NRXN1: variants seen among roughly 807,000 people sequenced by gnomAD.
NRXN1 encodes neurexin 1.
A neutral mutation model predicts 150.9 loss-of-function variants in NRXN1; 39 were observed. That is an observed-to-expected ratio of 0.26 (90% CI 0.20 to 0.34). The LOEUF (loss-of-function observed/expected upper bound fraction) is 0.34, where lower values mean the gene tolerates loss of function less well. Among genes scored for constraint, NRXN1 ranks in the 10% least tolerant of loss-of-function variants. NRXN1 has a pLI of 1.00. For synonymous variants in NRXN1, 924 were observed against 757.0 expected (o/e 1.22, Z -3.62); for missense variants, 1,815 against 1,949.9 (o/e 0.93, Z 1.30).
chr2:50,457,443 T>C (rs1342254711), intron 17 of NRXN1, among the ~76,000 whole-genome samples: 1 of 152,064 alleles, frequency 6.6e-6, no homozygotes, highest in Admixed American at 6.6e-5. Context: ...CAAGTTCTGT[T>C]TGTGCCAACT....
intron 17 of NRXN1, among the ~76,000 whole-genome samples, chr2:50,399,216 A>G (rs747954580): frequency 4.6e-5 from 7 of 152,148 alleles, no homozygotes; most frequent in Non-Finnish European, 8.8e-5. Flanking sequence ...AATATTGCAT[A>G]AAACCTGGTT....
At chr2:50,873,389 TC>T (rs1211704024) in intron 5 of NRXN1, among the ~76,000 whole-genome samples, 1 of 151,874 alleles carries the variant, frequency 6.6e-6, no homozygotes, top group Non-Finnish European at 1.5e-5. Flanking sequence ...TATAGTTACT[TC>T]TAAAGAATTT....
chr2:50,075,417 T>A (rs1472740639), intron 19 of NRXN1, among the ~76,000 whole-genome samples: 1 of 152,168 alleles, frequency 6.6e-6, no homozygotes, highest in Non-Finnish European at 1.5e-5. Flanking sequence ...AAGCCTTAGA[T>A]CATTAAAATA....
intron 8 of NRXN1, among the ~76,000 whole-genome samples, chr2:50,617,884 G>C (rs2104206279): frequency 6.6e-6 from 1 of 152,252 alleles, no homozygotes; most frequent in Non-Finnish European, 1.5e-5. Context: ...TTTAGATTAA[G>C]GCAATTAACT....
intron 5 of NRXN1, among the ~76,000 whole-genome samples, chr2:50,747,725 T>A (rs373564355): frequency 4.3e-4 from 65 of 152,222 alleles, no homozygotes; most frequent in African/African-American, 1.5e-3. Context: ...GTAATATGAG[T>A]AATAATAATA....
At chr2:50,197,093 T>C (rs901356729) in intron 18 of NRXN1, among the ~76,000 whole-genome samples, 1 of 152,138 alleles carries the variant, frequency 6.6e-6, no homozygotes, top group African/African-American at 2.4e-5. Context: ...GTTGGGATAA[T>C]ATGGACAGAG....
chr2:49,925,688 A>G (rs913548705), intron 22 of NRXN1, among the ~76,000 whole-genome samples: 1 of 152,216 alleles, frequency 6.6e-6, no homozygotes, highest in African/African-American at 2.4e-5. Flanking sequence ...AAATTAAAGC[A>G]ATCTGCAACA....
chr2:50,190,176 C>G (rs1029045768), intron 18 of NRXN1, among the ~76,000 whole-genome samples: 3 of 152,144 alleles, frequency 2.0e-5, no homozygotes, highest in Non-Finnish European at 4.4e-5. Context: ...AAGTTATTAT[C>G]TCCAATTATC....
intron 5 of NRXN1, among the ~76,000 whole-genome samples, chr2:50,655,139 T>C (rs1207719554): frequency 6.6e-6 from 1 of 151,820 alleles, no homozygotes; most frequent in African/African-American, 2.4e-5. Context: ...AAATGGTAAA[T>C]TGGACTGATC....
At position 50,836,020 on chromosome 2, in the gene NRXN1, C is replaced by T. The variant is rs1193699158; in HGVS notation, c.832+85849G>A. Among the ~76,000 whole-genome samples, 6 of 152,198 alleles carry T rather than the reference C, an allele frequency of 3.9e-5. No homozygotes were observed. In the East Asian group the frequency reaches 1.2e-3, roughly 29 times the overall value. ...AAACTGTGGTGCTTGCAAAGTTTCACATTCTTTTCACGTTTGTAAAATTGA... is the reference window on the plus strand; with the variant it reads ...AAACTGTGGTGCTTGCAAAGTTTCATATTCTTTTCACGTTTGTAAAATTGA... On this transcript the variant is annotated intron_variant, in intron 5 of 22. Transcript: ENST00000401669.
chr2:49,922,030 C>A lies in NRXN1; in HGVS notation c.4438G>T (p.Gly1480Trp). The A allele has an allele frequency of 6.2e-7, 1 of 1,614,092 alleles. No homozygotes were observed. Among genetic ancestry groups the A allele is most frequent in the Non-Finnish European group, 8.5e-7 (1 of 1,179,984 alleles). ...NYISNSAQSN[G>W]AVVKEKQPSS... is the part of the protein sequence containing the mutation. ...GGTTGTTTCTCCTTTACAACAGCCC[C>A]ATTGGACTGTGCTGAGTTACTGATG... is the stretch of plus-strand genomic sequence containing the variant. The change falls in exon 23 of 23, where the codon GGG (glycine) becomes TGG (tryptophan). Residue 1480 changes from glycine to tryptophan, a missense_variant. Gly to Trp is a radical substitution (Grantham distance 184). Transcript: ENST00000401669.
At chr2:50,911,718 C>T (rs1684546713) in intron 5 of NRXN1, among the ~76,000 whole-genome samples, 1 of 151,842 alleles carries the variant, frequency 6.6e-6, no homozygotes, top group Non-Finnish European at 1.5e-5. Context: ...TGAGAATGAT[C>T]CTAAAACATA....
chr2:50,720,391 A>T (rs546212882), intron 5 of NRXN1, among the ~76,000 whole-genome samples: 123 of 152,130 alleles, frequency 8.1e-4, no homozygotes, highest in African/African-American at 2.4e-3. Context: ...TCTTCCAGTT[A>T]ATTTGAACTC....
Position 49,943,703 on chromosome 2 carries a change from C to A in NRXN1, c.4216+1G>T. The A allele has an allele frequency of 6.2e-7, 1 of 1,608,314 alleles. No homozygotes were observed. The highest frequency in any genetic ancestry group is 8.5e-7 in the Non-Finnish European group (1 of 1,176,146). Reference sequence around the variant, plus strand: ...GGAAGTAAGAAAAAAAGTTGACTAACCTAACCCACCTGAGCTCGGCTCACA... The same window carrying A: ...GGAAGTAAGAAAAAAAGTTGACTAAACTAACCCACCTGAGCTCGGCTCACA... On this transcript the variant is annotated splice_donor_variant, in intron 22 of 22. Transcript: ENST00000401669. LOFTEE classifies it high-confidence loss of function.
At chr2:50,964,420 G>T (rs990834639) in intron 2 of NRXN1, among the ~76,000 whole-genome samples, 17 of 151,534 alleles carry the variant, frequency 1.1e-4, no homozygotes, top group African/African-American at 3.9e-4. Flanking sequence ...CTTGAAGATG[G>T]TGAACACGAA....
chr2:50,755,875 T>C (rs1381154900), intron 5 of NRXN1, among the ~76,000 whole-genome samples: 2 of 151,890 alleles, frequency 1.3e-5, no homozygotes, highest in Non-Finnish European at 2.9e-5. Context: ...CTGAAAAGTG[T>C]TGTGAGGGTT....
intron 2 of NRXN1, among the ~76,000 whole-genome samples, chr2:51,002,958 TTCC>T (rs1382004642): frequency 1.3e-5 from 2 of 151,956 alleles, no homozygotes; most frequent in East Asian, 3.9e-4. Flanking sequence ...TCATATATTC[TTCC>T]TGAGCTTATG....
rs72823099 is a variant in NRXN1 at position 50,284,103 on chromosome 2, A to G, written c.3365-47133T>C. Among the ~76,000 whole-genome samples the G allele has an allele frequency of 7.1e-3, 1,088 of 152,316 alleles. 6 individuals are homozygous for G. Among genetic ancestry groups the G allele is most frequent in the Non-Finnish European group, 0.011 (736 of 67,992 alleles). Reference sequence around the variant, plus strand: ...GATTCTGAGTCTTCAATGCACATTCATGATTGAGACACTGCTTTCTCTTGG... The same window carrying G: ...GATTCTGAGTCTTCAATGCACATTCGTGATTGAGACACTGCTTTCTCTTGG... On this transcript the variant is annotated intron_variant, in intron 17 of 22. Coordinates refer to ENST00000401669, the MANE Select transcript of NRXN1 (RefSeq NM_001330078.2).
chr2:50,688,223 C>T (rs1691540720), intron 5 of NRXN1, among the ~76,000 whole-genome samples: 2 of 152,174 alleles, frequency 1.3e-5, no homozygotes, highest in Admixed American at 6.5e-5. Context: ...GAGACTAATG[C>T]TGTCCCTGAG....
Sources: allele counts gnomAD v4.1 joint callset (sites outside exome capture counted in the v4.1 genomes callset), GRCh38; gene constraint gnomAD v4.1.1; transcripts MANE v1.5; gene names NCBI Gene and HGNC (gene_info 2026-07-23, HGNC 2026-07-21).